FBXO42: variants seen among roughly 807,000 people sequenced by gnomAD.
The protein encoded by FBXO42 is F-box protein 42, also known as F-box only protein 42.
In FBXO42, 12 loss-of-function variants were observed where a neutral mutation model predicts 71.7. The ratio of observed to expected loss-of-function variants is 0.17; its 90% CI spans 0.11 to 0.27. The LOEUF (loss-of-function observed/expected upper bound fraction) is 0.27. Among genes scored for constraint, FBXO42 ranks in the 10% least tolerant of loss-of-function variants. The probability of loss-of-function intolerance (pLI) is 1.00; values close to 1 mark genes in which losing one functional copy is unlikely to be tolerated. For missense variants in FBXO42, 707 were observed against 911.9 expected, an observed-to-expected ratio of 0.78 and a Z score of 2.89; for synonymous variants, 325 against 327.5, an observed-to-expected ratio of 0.99 and a Z score of 0.08.
At chr1:16,319,133 T>A (rs1189006310) in intron 1 of FBXO42, among the ~76,000 whole-genome samples, 2 of 152,068 alleles carry the variant, frequency 1.3e-5, no homozygotes, top group African/African-American at 4.8e-5. Flanking sequence ...TTCCCAAAAT[T>A]GGGAAAAGCT....
chr1:16,283,874 G>A (rs1295081991), intron 4 of FBXO42, among the ~76,000 whole-genome samples: 1 of 152,058 alleles, frequency 6.6e-6, no homozygotes, highest in Non-Finnish European at 1.5e-5. Context: ...TTGAAAATCA[G>A]AATACTCCAG....
chr1:16,305,722 AC>A, intron 3 of FBXO42, 80 bp downstream of exon 3: 1 of 1,231,762 alleles, frequency 8.1e-7, no homozygotes, highest in Middle Eastern at 1.9e-4. Flanking sequence ...TCAAAAACAA[AC>A]AAAAAAACAT....
intron 1 of FBXO42, among the ~76,000 whole-genome samples, chr1:16,333,278 A>T (rs1056853704): frequency 6.6e-6 from 1 of 152,180 alleles, no homozygotes; most frequent in Non-Finnish European, 1.5e-5. Flanking sequence ...TCACCACTTC[A>T]TAAGTTACAA....
At position 16,336,065 on chromosome 1, in the gene FBXO42, G is replaced by A. The variant is rs530347388; in HGVS notation, c.-18+16190C>T. On this transcript the variant is annotated intron_variant, in intron 1 of 9. Transcript: ENST00000375592. ...CGATTCTCCTGCCTCAGCCTCCTAA[G>A]TTGCTGGGATTACAGGCGCCTGCCA... 2.4e-3 allele frequency among the ~76,000 whole-genome samples: 361 copies of A among 151,600 alleles called. 1 individual carries two copies. Among genetic ancestry groups the A allele is most frequent in the African/African-American group, 7.6e-3 (313 of 41,388 alleles).
chr1:16,344,797 A>G (rs2082640669), intron 1 of FBXO42, among the ~76,000 whole-genome samples: 1 of 152,158 alleles, frequency 6.6e-6, no homozygotes, highest in Admixed American at 6.6e-5. Context: ...TAAAGTTCTG[A>G]TTTCTAATAA....
intron 3 of FBXO42, among the ~76,000 whole-genome samples, chr1:16,297,602 C>T (rs1387716259): frequency 6.6e-6 from 1 of 152,104 alleles, no homozygotes; most frequent in Non-Finnish European, 1.5e-5. Flanking sequence ...TGGCTCACGC[C>T]AGTAATCCCA....
At chr1:16,331,935 A>G (rs951004376) in intron 1 of FBXO42, among the ~76,000 whole-genome samples, 1 of 152,032 alleles carries the variant, frequency 6.6e-6, no homozygotes, top group African/African-American at 2.4e-5. Flanking sequence ...CTGTAATCCC[A>G]GCACTCGGGA....
intron 4 of FBXO42, among the ~76,000 whole-genome samples, chr1:16,265,418 A>G (rs1025842217): frequency 3.9e-5 from 6 of 152,148 alleles, no homozygotes; most frequent in African/African-American, 1.4e-4. Context: ...TCTCCATGCT[A>G]TTATCATTTT....
chr1:16,254,435 G>GT (rs1249088422), intron 6 of FBXO42, among the ~76,000 whole-genome samples: 1 of 152,186 alleles, frequency 6.6e-6, no homozygotes, highest in Non-Finnish European at 1.5e-5. Context: ...GAAAGCTGCA[G>GT]TTTTATCAAG....
intron 1 of FBXO42, among the ~76,000 whole-genome samples, chr1:16,319,687 C>T (rs892346758): frequency 2.0e-5 from 3 of 152,008 alleles, no homozygotes; most frequent in African/African-American, 7.2e-5. Flanking sequence ...CTTAGGCAGG[C>T]GGATCACGAG....
rs755353895 is a variant in FBXO42 at position 16,251,227 on chromosome 1, G to C, written c.1597C>G (p.Gln533Glu). ...GGTGGGGTATGCACACCATTTGTCT[G>C]TTCAGGAGGGTGTCTCATACTTCCC... ...VGGSMRHPPE[Q>E]TNGVHTPPHV... The change falls in exon 10 of 10, where the codon CAG becomes GAG. Residue 533 changes from glutamine (Q) to glutamate (E), a missense_variant. Physicochemically the swap from Gln to Glu is conservative, Grantham distance 29. Coordinates refer to ENST00000375592, the MANE Select transcript of FBXO42 (RefSeq NM_018994.3). The surrounding 1 kb of genome is among the most constrained non-coding windows in gnomAD (Gnocchi z 4.5). 1.2e-6 allele frequency: 2 copies of C among 1,614,172 alleles called. No homozygotes were observed. The highest frequency in any genetic ancestry group is 2.2e-5 in the East Asian group (1 of 44,866).
intron 5 of FBXO42, 93 bp from the exon 6 acceptor site, chr1:16,255,914 A>G: frequency 2.4e-6 from 2 of 836,646 alleles, no homozygotes; most frequent in Non-Finnish European, 3.7e-6. Context: ...TGATAATCCT[A>G]TCACTTTCAG....
chr1:16,295,004 T>C lies in FBXO42; in HGVS notation c.368-87A>G, dbSNP rs2082114126. On this transcript the variant is annotated intron_variant, in intron 3 of 9. Transcript: ENST00000375592. The stretch of plus-strand genomic sequence containing the variant: ...CATAACATATATTTTTCAAAGCTTA[T>C]TTCACACATTCAGCAATTTTGTTAC... 4 of 1,430,248 alleles carry C rather than the reference T, an allele frequency of 2.8e-6. No homozygotes were observed. The East Asian group carries it at 9.6e-5, about 34-fold the overall frequency. 88.6% of individuals were successfully genotyped at this position (1,430,248 alleles called of 1,614,324 possible).
chr1:16,283,972 G>T (rs1320182427), intron 4 of FBXO42, among the ~76,000 whole-genome samples: 1 of 151,728 alleles, frequency 6.6e-6, no homozygotes, highest in East Asian at 1.9e-4. Context: ...CGTTGACTCT[G>T]TATTAAACAG....
intron 1 of FBXO42, among the ~76,000 whole-genome samples, chr1:16,319,910 TA>T (rs113558220): frequency 3.6e-4 from 49 of 135,130 alleles, no homozygotes; most frequent in Admixed American, 3.8e-4. Context: ...GACTCCATCT[TA>T]AAAAAAAAAA....
intron 4 of FBXO42, among the ~76,000 whole-genome samples, chr1:16,273,043 T>C (rs1055799618): frequency 3.9e-5 from 6 of 152,134 alleles, no homozygotes; most frequent in South Asian, 2.1e-4. Flanking sequence ...TCCGTATATA[T>C]AAAGATGTCA....
At chr1:16,256,313 T>C (rs2100434179) in intron 5 of FBXO42, among the ~76,000 whole-genome samples, 1 of 152,368 alleles carries the variant, frequency 6.6e-6, no homozygotes. Flanking sequence ...CAGCCAAAGC[T>C]GAAGAGCTCG....
chr1:16,261,306 C>A (rs752162530), intron 4 of FBXO42, among the ~76,000 whole-genome samples: 2 of 152,220 alleles, frequency 1.3e-5, no homozygotes, highest in Non-Finnish European at 2.9e-5. Context: ...AAGCTGAGGC[C>A]AGTGATAATG....
intron 4 of FBXO42, among the ~76,000 whole-genome samples, chr1:16,269,089 G>C (rs550984963): frequency 7.5e-6 from 1 of 132,466 alleles, no homozygotes; most frequent in East Asian, 2.4e-4. Context: ...GATTACAGGC[G>C]TGAGCCACCG....
Sources: allele counts gnomAD v4.1 joint callset (sites outside exome capture counted in the v4.1 genomes callset), GRCh38; gene constraint gnomAD v4.1.1; non-coding constraint Gnocchi (gnomAD v3.1); transcripts MANE v1.5; gene names NCBI Gene and HGNC (gene_info 2026-07-23, HGNC 2026-07-21).